The following LDB2 variants were observed in gnomAD, a reference collection of about 807,000 sequenced individuals.
LDB2 encodes the protein LIM domain-binding protein 2.
In LDB2, 12 loss-of-function variants were observed where a neutral mutation model predicts 44.3. The ratio of observed to expected loss-of-function variants is 0.27; its 90% CI spans 0.17 to 0.44. LDB2 has a LOEUF of 0.44. Among genes scored for constraint, LDB2 ranks in the 20% least tolerant of loss-of-function variants. The probability of loss-of-function intolerance (pLI) is 1.00; values close to 1 mark genes in which losing one functional copy is unlikely to be tolerated. For synonymous variants in LDB2, 164 were observed against 174.8 expected (o/e 0.94, Z 0.49); for missense variants, 344 against 473.5 (o/e 0.73, Z 2.54).
At chr4:16,615,641 A>G (rs537447148) in intron 2 of LDB2, among the ~76,000 whole-genome samples, 81 of 152,278 alleles carry the variant, frequency 5.3e-4, no homozygotes, top group African/African-American at 1.8e-3. Flanking sequence ...TAGAGGATGG[A>G]TCAATAGGTG....
chr4:16,620,553 A>G (rs1355319897), intron 2 of LDB2, among the ~76,000 whole-genome samples: 4 of 152,220 alleles, frequency 2.6e-5, no homozygotes. Context: ...ATTCCCATTA[A>G]GGTGATACTT....
chr4:16,672,655 T>C (rs1186472852), intron 2 of LDB2, among the ~76,000 whole-genome samples: 1 of 152,158 alleles, frequency 6.6e-6, no homozygotes, highest in Non-Finnish European at 1.5e-5. Context: ...AGAGCCAAAC[T>C]ACAGGCAGGC....
intron 1 of LDB2, among the ~76,000 whole-genome samples, chr4:16,824,276 A>T (rs1267026110): frequency 3.3e-5 from 5 of 152,206 alleles, no homozygotes; most frequent in Non-Finnish European, 5.9e-5. Context: ...GCAGAATAGT[A>T]CAAGTTAAAT....
intron 1 of LDB2, among the ~76,000 whole-genome samples, chr4:16,814,155 C>A (rs1485683408): frequency 6.6e-6 from 1 of 152,184 alleles, no homozygotes; most frequent in Non-Finnish European, 1.5e-5. Context: ...CAGGCGTGAG[C>A]CACCGCACCC....
At chr4:16,859,550 C>T (rs1332215330) in intron 1 of LDB2, among the ~76,000 whole-genome samples, 6 of 152,192 alleles carry the variant, frequency 3.9e-5, no homozygotes, top group African/African-American at 1.2e-4. Context: ...CTGCTCTTTG[C>T]ATCCTCATTA....
intron 1 of LDB2, among the ~76,000 whole-genome samples, chr4:16,865,771 T>C (rs4698514): frequency 0.26 from 38,923 of 152,180 alleles, 5,847 homozygotes; most frequent in East Asian, 0.68. Context: ...GGCATTCATC[T>C]GAGAGAGCTC....
intron 1 of LDB2, among the ~76,000 whole-genome samples, chr4:16,866,621 T>C (rs1396296501): frequency 6.6e-6 from 1 of 152,102 alleles, no homozygotes; most frequent in Non-Finnish European, 1.5e-5. Context: ...CCGGTGCTTT[T>C]CCCAATGCAT....
intron 5 of LDB2, among the ~76,000 whole-genome samples, chr4:16,561,476 A>T (rs1221628885): frequency 6.6e-6 from 1 of 152,228 alleles, no homozygotes; most frequent in Non-Finnish European, 1.5e-5. Context: ...CAATTGCCTC[A>T]AAGAGAATAA....
At chr4:16,628,130 A>C (rs1446533390) in intron 2 of LDB2, among the ~76,000 whole-genome samples, 1 of 152,250 alleles carries the variant, frequency 6.6e-6, no homozygotes, top group Non-Finnish European at 1.5e-5. Flanking sequence ...GGGTGCAGTG[A>C]AACTGGATGG....
chr4:16,735,960 T>G (rs1444528259), intron 2 of LDB2, among the ~76,000 whole-genome samples: 1 of 152,050 alleles, frequency 6.6e-6, no homozygotes, highest in Non-Finnish European at 1.5e-5. Context: ...TTTAATTAAT[T>G]AAAAAGAGAG....
intron 1 of LDB2, among the ~76,000 whole-genome samples, chr4:16,883,293 G>A (rs1416579114): frequency 4.6e-5 from 7 of 152,240 alleles, no homozygotes; most frequent in Admixed American, 3.9e-4. Flanking sequence ...ATCGTAGACT[G>A]CGGCTGAAGA....
chr4:16,752,560 G>A (rs1765695181), intron 2 of LDB2: 1 of 351,074 alleles, frequency 2.8e-6, no homozygotes, highest in Admixed American at 4.0e-5. Context: ...AATTTGAAGT[G>A]GCTGTTGTCT....
At chr4:16,886,859 C>T (rs892262123) in intron 1 of LDB2, among the ~76,000 whole-genome samples, 3 of 151,398 alleles carry the variant, frequency 2.0e-5, no homozygotes, top group African/African-American at 7.3e-5. Context: ...GGTGAAATCC[C>T]GTCTCTACTA....
chr4:16,893,147 T>TAAA, intron 1 of LDB2: 12 of 733,350 alleles, frequency 1.6e-5, no homozygotes, highest in Non-Finnish European at 2.0e-5. Flanking sequence ...AACTGCACTT[T>TAAA]TGGTTTCATT....
chr4:16,836,028 A>C (rs1487652706), intron 1 of LDB2, among the ~76,000 whole-genome samples: 1 of 152,192 alleles, frequency 6.6e-6, no homozygotes, highest in Non-Finnish European at 1.5e-5. Flanking sequence ...GGATGATTTT[A>C]AGCTAGCAAC....
At chr4:16,588,967 G>A (rs553414222) in intron 3 of LDB2, 135 bp from the exon 4 acceptor site, 3 of 819,372 alleles carry the variant, frequency 3.7e-6, no homozygotes, top group Non-Finnish European at 6.0e-6. Context: ...TGTGACACGA[G>A]TGATGTGTCC....
At chr4:16,733,336 CA>C (rs1328694050) in intron 2 of LDB2, among the ~76,000 whole-genome samples, 3 of 149,240 alleles carry the variant, frequency 2.0e-5, no homozygotes, top group Non-Finnish European at 4.5e-5. Context: ...AACAGATACC[CA>C]ATGATTAAGA....
chr4:16,505,923 A>G, intron 7 of LDB2: 1 of 1,551,644 alleles, frequency 6.4e-7, no homozygotes, highest in Non-Finnish European at 8.7e-7. Context: ...CTGCTGTTGA[A>G]TGACACAGGT....
At chr4:16,804,495 T>A (rs1366749058) in intron 1 of LDB2, among the ~76,000 whole-genome samples, 1 of 152,224 alleles carries the variant, frequency 6.6e-6, no homozygotes, top group Admixed American at 6.5e-5. Flanking sequence ...TGTGTTTGAT[T>A]TGTGCAACAC....
Sources: allele counts gnomAD v4.1 joint callset (sites outside exome capture counted in the v4.1 genomes callset), GRCh38; gene constraint gnomAD v4.1.1; transcripts MANE v1.5; gene names NCBI Gene and HGNC (gene_info 2026-07-23, HGNC 2026-07-21).